KCNQ1: variants seen among roughly 807,000 people sequenced by gnomAD.
KCNQ1 encodes potassium voltage-gated channel subfamily Q member 1.
Under a neutral mutation model 72.4 loss-of-function variants are expected in KCNQ1, and 49 were observed. The observed-to-expected ratio is 0.68, with a 90% CI of 0.54 to 0.86. KCNQ1 has a LOEUF of 0.86. Among genes scored for constraint, KCNQ1 ranks in the 40% least tolerant of loss-of-function variants. KCNQ1 has a pLI of 0.00. For missense variants in KCNQ1, 790 were observed against 945.1 expected (o/e 0.84, Z 2.15); for synonymous variants, 450 against 412.6 (o/e 1.09, Z -1.10).
At chr11:2,576,479 C>T (rs1247229502) in intron 6 of KCNQ1, among the ~76,000 whole-genome samples, 1 of 152,222 alleles carries the variant, frequency 6.6e-6, no homozygotes, top group Non-Finnish European at 1.5e-5. Flanking sequence ...ACGGGCTTCT[C>T]TGTTCAGCGC....
chr11:2,627,404 G>T lies in KCNQ1; in HGVS notation c.1394-34557G>T, dbSNP rs1246639980. ...GTCACCAATCTGGACGTTATGTCAA[G>T]AACTTATTCATCTGATAACTCTATG... On this transcript the variant is annotated intron_variant, in intron 10 of 15. Transcript: ENST00000155840. This position sits in a 1 kb window ranked among gnomAD's most constrained non-coding sequence, Gnocchi z 4.9. The T allele has an allele frequency of 2.5e-6, 1 of 398,392 alleles. No individual in the cohort carries two copies. Among genetic ancestry groups the T allele is most frequent in the Non-Finnish European group, 4.4e-6 (1 of 226,000 alleles). The allele number at this position is 398,392 out of a possible 1,614,324, so 24.7% of individuals were successfully genotyped here.
At chr11:2,519,291 C>A (rs950723555) in intron 1 of KCNQ1, among the ~76,000 whole-genome samples, 1 of 152,236 alleles carries the variant, frequency 6.6e-6, no homozygotes, top group South Asian at 2.1e-4. Flanking sequence ...TCGGGTGATG[C>A]CCTGTGGGCT....
At chr11:2,727,247 A>G (rs189161) in intron 11 of KCNQ1, among the ~76,000 whole-genome samples, 123,361 of 152,146 alleles carry the variant, frequency 0.81, 50,158 homozygotes, top group Middle Eastern at 0.92. Flanking sequence ...GGATGTGCTC[A>G]GGCCCTGGAG....
chr11:2,645,060 C>CCTG lies in KCNQ1; in HGVS notation c.1394-16901_1394-16900insCTG. 1 of 398,686 alleles carries CCTG rather than the reference C, an allele frequency of 2.5e-6. No individual in the cohort carries two copies. The highest frequency in any genetic ancestry group is 4.4e-6 in the Non-Finnish European group (1 of 226,162). 24.7% of individuals were successfully genotyped at this position (398,686 alleles called of 1,614,324 possible). ...CAACTTGCTCAGGTGCCAATGATGA[C>CCTG]AGAGCTGGGCCACAGGGTGGGTAGG... On this transcript the variant is annotated intron_variant, in intron 10 of 15. Coordinates refer to ENST00000155840, the MANE Select transcript of KCNQ1 (RefSeq NM_000218.3). The surrounding 1 kb of genome is among the most constrained non-coding windows in gnomAD (Gnocchi z 5.8).
rs572710546 is a variant in KCNQ1, at chr11:2,536,396, C to T, written c.477+8378C>T. Among the ~76,000 whole-genome samples the T allele has an allele frequency of 4.5e-4, 68 of 152,088 alleles. No individual in the cohort carries two copies. The highest frequency in any genetic ancestry group is 1.6e-3 in the African/African-American group (67 of 41,498). ...GAAGGAAGGGAGGCTGGGGTGGGTG[C>T]CCCGAGTGCCTTGTTGGAGTGGAGG... On this transcript the variant is annotated intron_variant, in intron 2 of 15. Transcript: ENST00000155840. The surrounding 1 kb of genome is among the most constrained non-coding windows in gnomAD (Gnocchi z 7.4).
intron 2 of KCNQ1, among the ~76,000 whole-genome samples, 171 bp downstream of exon 2, chr11:2,528,189 G>A (rs1026897558): frequency 6.6e-6 from 1 of 152,218 alleles, no homozygotes; most frequent in African/African-American, 2.4e-5. Context: ...CTTGCCAAGT[G>A]ACTTGGGATG....
At chr11:2,571,780 G>A (rs932348622) in intron 4 of KCNQ1, among the ~76,000 whole-genome samples, 4 of 152,182 alleles carry the variant, frequency 2.6e-5, no homozygotes, top group Middle Eastern at 3.2e-3. Context: ...GTACCTGGCC[G>A]ACCCCCAGCT....
chr11:2,594,157 T>C (rs934852061), intron 10 of KCNQ1, among the ~76,000 whole-genome samples: 5 of 152,236 alleles, frequency 3.3e-5, no homozygotes. Context: ...TCAGTTTGTC[T>C]GAAATATTTT....
At position 2,735,732 on chromosome 11, in the gene KCNQ1, G is replaced by T. The variant is rs1462966940; in HGVS notation, c.1515-33112G>T. Among the ~76,000 whole-genome samples, 1 of 152,004 alleles carries T rather than the reference G, an allele frequency of 6.6e-6. No individual in the cohort carries two copies. The highest frequency in any genetic ancestry group is 2.4e-5 in the African/African-American group (1 of 41,370). ...CAAGGTCAAGGTGCTGCAGGGCTGG[G>T]TCCTCCTGCAGCCTCTCTCCGTGGC... On this transcript the variant is annotated intron_variant, in intron 11 of 15. Coordinates refer to ENST00000155840, the MANE Select transcript of KCNQ1 (RefSeq NM_000218.3). This position sits in a 1 kb window ranked among gnomAD's most constrained non-coding sequence, Gnocchi z 7.7.
chr11:2,674,983 T>C lies in KCNQ1; in HGVS notation c.1514+12902T>C, dbSNP rs1850267150. The C allele has an allele frequency of 2.5e-6, 1 of 398,428 alleles. No homozygotes were observed. Among genetic ancestry groups the C allele is most frequent in the African/African-American group, 2.1e-5 (1 of 48,628 alleles). 24.7% of individuals were successfully genotyped at this position (398,428 alleles called of 1,614,324 possible). A position where few individuals can be genotyped will look rare whatever the true frequency, so the allele number is the denominator to read the frequency against. On this transcript the variant is annotated intron_variant, in intron 11 of 15. Transcript: ENST00000155840. This position sits in a 1 kb window ranked among gnomAD's most constrained non-coding sequence, Gnocchi z 5.9. ...TGTTTCTCTTCGTTTCCTCTTACAG[T>C]GGCGGGCACTCAGCCGGCTTCTTCC...
intron 1 of KCNQ1, among the ~76,000 whole-genome samples, chr11:2,454,936 A>T (rs1846165780): frequency 6.6e-6 from 1 of 152,164 alleles, no homozygotes; most frequent in South Asian, 2.1e-4. Flanking sequence ...GGCAAGAGAA[A>T]GAAATAAAAG....
intron 11 of KCNQ1, chr11:2,686,007 CA>C (rs897849114): frequency 5.0e-6 from 2 of 398,940 alleles, no homozygotes; most frequent in East Asian, 3.6e-5. Context: ...CAAGAAGAGT[CA>C]GGGGGGCTCA....
chr11:2,445,079 C>G lies in KCNQ1; in HGVS notation c.-20C>G. ...CCGGTGCCGCCGCTCGGGCCGGCCC[C>G]CCGGCAGGCCCTCCTCGTTATGGCC... On this transcript the variant is annotated 5_prime_UTR_variant, in exon 1 of 16. Transcript: ENST00000155840. 9.4e-7 allele frequency: 1 copy of G among 1,066,154 alleles called. No homozygotes were observed. Among genetic ancestry groups the G allele is most frequent in the Non-Finnish European group, 1.1e-6 (1 of 882,114 alleles). 66.0% of individuals were successfully genotyped at this position (1,066,154 alleles called of 1,614,324 possible). A position where few individuals can be genotyped will look rare whatever the true frequency, so the allele number is the denominator to read the frequency against.
chr11:2,667,017 C>A (rs771085467), intron 11 of KCNQ1: 5 of 398,592 alleles, frequency 1.3e-5, no homozygotes, highest in African/African-American at 1.0e-4. Context: ...ATAGGATCCC[C>A]GTCAGAGCCC....
In KCNQ1 at chr11:2,651,579, C is replaced by T; in HGVS notation, c.1394-10382C>T. 1 of 398,652 alleles carries T rather than the reference C, an allele frequency of 2.5e-6. No homozygotes were observed. Among genetic ancestry groups the T allele is most frequent in the Non-Finnish European group, 4.4e-6 (1 of 226,090 alleles). 24.7% of individuals were successfully genotyped at this position (398,652 alleles called of 1,614,324 possible). A position where few individuals can be genotyped will look rare whatever the true frequency, so the allele number is the denominator to read the frequency against. On this transcript the variant is annotated intron_variant, in intron 10 of 15. Coordinates refer to ENST00000155840, the MANE Select transcript of KCNQ1 (RefSeq NM_000218.3). This position sits in a 1 kb window ranked among gnomAD's most constrained non-coding sequence, Gnocchi z 6.1. ...ATTGTGTTCTTTACCTCCATGTCTC[C>T]AGTGCCTGCCACATAGCAGGTCCTC... is the stretch of plus-strand genomic sequence containing the variant.
At position 2,462,061 on chromosome 11, in the gene KCNQ1, A is replaced by T. The variant is rs1846286532; in HGVS notation, c.386+16577A>T. On this transcript the variant is annotated intron_variant, in intron 1 of 15. Coordinates refer to ENST00000155840, the MANE Select transcript of KCNQ1 (RefSeq NM_000218.3). The surrounding 1 kb of genome is among the most constrained non-coding windows in gnomAD (Gnocchi z 8.2). ...CCGCCATCCCAGCAGCTGTCCAGAG[A>T]TGAGACCCAGCCCCACTGTGTCTTT... 3.1e-6 allele frequency: 1 copy of T among 320,646 alleles called. No individual in the cohort carries two copies. Among genetic ancestry groups the T allele is most frequent in the African/African-American group, 2.2e-5 (1 of 46,272 alleles). 19.9% of individuals were successfully genotyped at this position (320,646 alleles called of 1,614,324 possible).
rs1345647301 is a variant in KCNQ1, at chr11:2,713,710, T to C, written c.1514+51629T>C. ...GAGCTGGGTTGCAGGAGAAGCCAAG[T>C]GCCGGGTGAAGGCCTGGGGAGGAAT... On this transcript the variant is annotated intron_variant, in intron 11 of 15. Transcript: ENST00000155840. This position sits in a 1 kb window ranked among gnomAD's most constrained non-coding sequence, Gnocchi z 5.6. 6.6e-6 allele frequency among the ~76,000 whole-genome samples: 1 copy of C among 152,196 alleles called. No homozygotes were observed. Among genetic ancestry groups the C allele is most frequent in the Non-Finnish European group, 1.5e-5 (1 of 68,030 alleles).
Position 2,445,010 on chromosome 11 carries a change from T to A in KCNQ1, c.-89T>A, listed in dbSNP as rs1398300334. 1.1e-6 allele frequency: 1 copy of A among 889,696 alleles called. No homozygotes were observed. Among genetic ancestry groups the A allele is most frequent in the Non-Finnish European group, 1.4e-6 (1 of 738,718 alleles). The allele number at this position is 889,696 out of a possible 1,614,324, so 55.1% of individuals were successfully genotyped here. On this transcript the variant is annotated 5_prime_UTR_variant, in exon 1 of 16. Transcript: ENST00000155840. Reference sequence around the variant, plus strand: ...CCCCCCGCGGCGGGGCTGGCAGCAGTGGCTGCCCGCACTGCGCCCGGGCGC... The same window carrying A: ...CCCCCCGCGGCGGGGCTGGCAGCAGAGGCTGCCCGCACTGCGCCCGGGCGC...
intron 1 of KCNQ1, among the ~76,000 whole-genome samples, chr11:2,485,912 A>G (rs192601279): frequency 6.6e-6 from 1 of 152,322 alleles, no homozygotes; most frequent in Non-Finnish European, 1.5e-5. Context: ...CACTGTATGG[A>G]TAGACCACAT....
Sources: allele counts gnomAD v4.1 joint callset (sites outside exome capture counted in the v4.1 genomes callset), GRCh38; gene constraint gnomAD v4.1.1; non-coding constraint Gnocchi (gnomAD v3.1); transcripts MANE v1.5; gene names NCBI Gene and HGNC (gene_info 2026-07-23, HGNC 2026-07-21).